Variants in NSD1 observed in about 807,000 individuals in gnomAD.
NSD1 encodes nuclear receptor binding SET domain protein 1, also known as histone-lysine N-methyltransferase, H3 lysine-36 specific.
In NSD1, 26 loss-of-function variants were observed where a neutral mutation model predicts 242.7. The ratio of observed to expected loss-of-function variants is 0.11; its 90% CI spans 0.08 to 0.15. The LOEUF is 0.15. Ranked by LOEUF, NSD1 falls within the 10% of genes least tolerant of loss-of-function variation. The pLI is 1.00. For synonymous variants in NSD1, 1,106 were observed against 1,178.1 expected, an observed-to-expected ratio of 0.94 and a Z score of 1.25; for missense variants, 2,495 against 3,272.8, an observed-to-expected ratio of 0.76 and a Z score of 5.80.
chr5:177,276,649 C>T (rs543219785), intron 17 of NSD1, among the ~76,000 whole-genome samples: 2 of 152,012 alleles, frequency 1.3e-5, no homozygotes, highest in Admixed American at 6.6e-5. Context: ...TTTTCTCCCC[C>T]CCTTTATTAG....
intron 2 of NSD1, among the ~76,000 whole-genome samples, chr5:177,158,531 T>G (rs2149785907): frequency 6.6e-6 from 1 of 151,812 alleles, no homozygotes; most frequent in Non-Finnish European, 1.5e-5. Flanking sequence ...AGTGACAGGG[T>G]TTCACCACAT....
intron 3 of NSD1, among the ~76,000 whole-genome samples, chr5:177,199,356 CAT>C (rs1444463190): frequency 5.9e-5 from 9 of 152,240 alleles, no homozygotes; most frequent in Non-Finnish European, 8.8e-5. Flanking sequence ...CTCTTGGACT[CAT>C]GTGATTCTCC....
At chr5:177,180,101 ATT>A (rs1177629072) in intron 2 of NSD1, among the ~76,000 whole-genome samples, 1 of 137,658 alleles carries the variant, frequency 7.3e-6, no homozygotes. Context: ...TTATTTATTT[ATT>A]TTTTTTTTTG....
chr5:177,244,265 G>T lies in NSD1; in HGVS notation c.4373G>T (p.Gly1458Val). 6.2e-7 allele frequency: 1 copy of T among 1,610,648 alleles called. No individual in the cohort carries two copies. Among genetic ancestry groups the T allele is most frequent in the Non-Finnish European group, 8.5e-7 (1 of 1,176,982 alleles). ...SCATSYSKDF[G>V]GGTTKIFDKP... ...GCCACATCTTATTCAAAAGATTTTG[G>T]TGGAGGTGAGTATTTTTGAGATTTA... The change falls in exon 9 of 23, where the codon GGT becomes GTT. Residue 1458 changes from glycine (G) to valine (V), a missense_variant. Coordinates refer to ENST00000439151, the MANE Select transcript of NSD1 (RefSeq NM_022455.5).
chr5:177,267,680 C>T lies in NSD1; in HGVS notation c.5265C>T (p.His1755=), dbSNP rs1219635006. ...ACTGTAAAGCAGGCAAAAAGCCACA[C>T]TACAGGGAGATTGTCTGGGTAAAAG... is the stretch of plus-strand genomic sequence containing the variant. ...CNDCKAGKKP[H]YREIVWVKVG... The change falls in exon 15 of 23, where the codon CAC becomes CAT. Residue 1755 remains histidine, a synonymous_variant. Transcript: ENST00000439151. 6.2e-7 allele frequency: 1 copy of T among 1,614,054 alleles called. No individual in the cohort carries two copies. Among genetic ancestry groups the T allele is most frequent in the South Asian group, 1.1e-5 (1 of 91,086 alleles).
chr5:177,269,140 G>T lies in NSD1; in HGVS notation c.5304-462G>T, dbSNP rs1382329049. Among the ~76,000 whole-genome samples, 1 of 152,070 alleles carries T rather than the reference G, an allele frequency of 6.6e-6. No homozygotes were observed. The highest frequency in any genetic ancestry group is 1.5e-5 in the Non-Finnish European group (1 of 68,006). The stretch of plus-strand genomic sequence containing the variant: ...TTTTGTTTGTATGTGTTTGTGTTTT[G>T]ATTTCTTGGTGCTGTTCTCCCATAT... On this transcript the variant is annotated intron_variant, in intron 15 of 22. Transcript: ENST00000439151. This position sits in a 1 kb window ranked among gnomAD's most constrained non-coding sequence, Gnocchi z 5.1.
At chr5:177,267,388 G>A (rs918575262) in intron 14 of NSD1, among the ~76,000 whole-genome samples, 174 bp from the exon 15 acceptor site, 13 of 152,120 alleles carry the variant, frequency 8.5e-5, no homozygotes, top group African/African-American at 3.1e-4. Context: ...CCTGACGAGA[G>A]TTAAATAAAG....
intron 6 of NSD1, among the ~76,000 whole-genome samples, chr5:177,236,532 T>C: frequency 6.6e-6 from 1 of 152,248 alleles, no homozygotes; most frequent in East Asian, 1.9e-4. Flanking sequence ...TGTAACTGGT[T>C]GTTATGGTTC....
intron 4 of NSD1, among the ~76,000 whole-genome samples, chr5:177,207,375 C>T (rs1026797252): frequency 6.6e-5 from 10 of 151,224 alleles, no homozygotes; most frequent in Non-Finnish European, 1.3e-4. Flanking sequence ...CTCCGCCTCC[C>T]GGGTTCACGC....
chr5:177,222,090 C>A (rs572141663), intron 5 of NSD1, among the ~76,000 whole-genome samples: 1 of 151,784 alleles, frequency 6.6e-6, no homozygotes, highest in South Asian at 2.1e-4. Flanking sequence ...GGATTACAGG[C>A]GTGAGCCATC....
Position 177,248,217 on chromosome 5 carries a change from A to G in NSD1, c.4534A>G (p.Lys1512Glu). 1 of 1,614,158 alleles carries G rather than the reference A, an allele frequency of 6.2e-7. No individual in the cohort carries two copies. Among genetic ancestry groups the G allele is most frequent in the East Asian group, 2.2e-5 (1 of 44,888 alleles). The change falls in exon 11 of 23, where the codon AAG becomes GAG. Residue 1512 changes from lysine to glutamate, a missense_variant. This residue lies in a region of NSD1 where 97 missense variants were observed against 97.7 expected (regional missense o/e 0.99). Coordinates refer to ENST00000439151, the MANE Select transcript of NSD1 (RefSeq NM_022455.5). ...GCCTCACAGGACGGCCACAAGCCCC[A>G]AGGAGACTGTTGAGGAAGGTGTAGA... ...LMPHRTATSP[K>E]ETVEEGVEHD...
chr5:177,267,821 A>AT lies in NSD1; in HGVS notation c.5303+104dup. 5 of 1,127,004 alleles carry AT rather than the reference A, an allele frequency of 4.4e-6. No homozygotes were observed. In the East Asian group the frequency reaches 9.7e-5, roughly 22 times the overall value. 69.8% of individuals were successfully genotyped at this position (1,127,004 alleles called of 1,614,324 possible). A position where few individuals can be genotyped will look rare whatever the true frequency, so the allele number is the denominator to read the frequency against. ...TTTCTAATGATCTACTTAATTACTC[A>AT]TGGTACTCCTCCCCTCTTCTTCTTG... is the stretch of plus-strand genomic sequence containing the variant. On this transcript the variant is annotated intron_variant, in intron 15 of 22. Transcript: ENST00000439151.
rs916299879 is a variant in NSD1 at position 177,265,350 on chromosome 5, G to T, written c.5147-2212G>T. 1.8e-5 allele frequency: 11 copies of T among 597,654 alleles called. No individual in the cohort carries two copies. In the East Asian group the frequency reaches 3.1e-4, roughly 17 times the overall value. 37.0% of individuals were successfully genotyped at this position (597,654 alleles called of 1,614,324 possible). A position where few individuals can be genotyped will look rare whatever the true frequency, so the allele number is the denominator to read the frequency against. Reference sequence around the variant, plus strand: ...GCCAACAGAAGTATGTTTATAGTAAGAATTTTTTTTGTTTCCCAGCTGAAG... The same window carrying T: ...GCCAACAGAAGTATGTTTATAGTAATAATTTTTTTTGTTTCCCAGCTGAAG... On this transcript the variant is annotated intron_variant, in intron 14 of 22. Coordinates refer to ENST00000439151, the MANE Select transcript of NSD1 (RefSeq NM_022455.5).
At chr5:177,279,455 G>A (rs190990648) in intron 17 of NSD1, among the ~76,000 whole-genome samples, 2 of 151,828 alleles carry the variant, frequency 1.3e-5, no homozygotes, top group South Asian at 2.1e-4. Context: ...CCAAGATCCC[G>A]CCACTGCACT....
At chr5:177,185,635 GT>G (rs567390427) in intron 2 of NSD1, among the ~76,000 whole-genome samples, 2 of 130,886 alleles carry the variant, frequency 1.5e-5, no homozygotes, top group South Asian at 4.4e-4. Flanking sequence ...TTTTTTGTTT[GT>G]TTTTTTGAGA....
At chr5:177,235,245 T>A (rs1268945470) in intron 5 of NSD1, among the ~76,000 whole-genome samples, 1 of 152,232 alleles carries the variant, frequency 6.6e-6, no homozygotes, top group Admixed American at 6.5e-5. Flanking sequence ...CTTTGTATAA[T>A]GTAGAAAATA....
At position 177,294,948 on chromosome 5, in the gene NSD1, G is replaced by A. The variant is rs1303149331; in HGVS notation, c.7580G>A (p.Trp2527Ter). ...GKAAAPSEDP[W>*]QAVKSLTQAR... ...GCAGCAGCCCCTTCAGAGGACCCCT[G>A]GCAAGCTGTTAAATCACTCACCCAG... Residue 2527 changes from tryptophan (W) to a stop codon, truncating the protein, a stop_gained, in exon 23 of 23, where the codon TGG becomes TAG. Coordinates refer to ENST00000439151, the MANE Select transcript of NSD1 (RefSeq NM_022455.5). LOFTEE classifies it high-confidence loss of function. 6.2e-7 allele frequency: 1 copy of A among 1,614,218 alleles called. No individual in the cohort carries two copies. Among genetic ancestry groups the A allele is most frequent in the Admixed American group, 1.7e-5 (1 of 60,028 alleles).
chr5:177,175,337 C>T (rs1760105256), intron 2 of NSD1, among the ~76,000 whole-genome samples: 1 of 152,086 alleles, frequency 6.6e-6, no homozygotes, highest in Admixed American at 6.6e-5. Context: ...TACAGACAGT[C>T]TTTTTGAGGC....
intron 3 of NSD1, among the ~76,000 whole-genome samples, chr5:177,199,486 G>C (rs1386730243): frequency 6.6e-6 from 1 of 152,124 alleles, no homozygotes; most frequent in Admixed American, 6.5e-5. Flanking sequence ...TGAACTACTG[G>C]GCTCAAACAG....
Sources: allele counts gnomAD v4.1 joint callset (sites outside exome capture counted in the v4.1 genomes callset), GRCh38; gene constraint gnomAD v4.1.1; regional missense constraint gnomAD v4.1.1; non-coding constraint Gnocchi (gnomAD v3.1); transcripts MANE v1.5; gene names NCBI Gene and HGNC (gene_info 2026-07-23, HGNC 2026-07-21).